The following TEX9 variants were observed in gnomAD, a reference collection of about 807,000 sequenced individuals.
The protein encoded by TEX9 is testis expressed 9.
Under a neutral mutation model 59.6 loss-of-function variants are expected in TEX9, and 74 were observed. That is an observed-to-expected ratio of 1.24 (90% CI 1.03 to 1.51). The LOEUF (loss-of-function observed/expected upper bound fraction) is 1.51, where lower values mean the gene tolerates loss of function less well. TEX9 is among the 40% of genes most tolerant of loss of function. The probability of loss-of-function intolerance (pLI) is 0.00; values close to 1 mark genes in which losing one functional copy is unlikely to be tolerated. For synonymous variants in TEX9, 186 were observed against 152.2 expected (o/e 1.22, Z -1.64); for missense variants, 522 against 447.8 (o/e 1.17, Z -1.49).
chr15:56,358,827 GAT>G (rs1206425211), intron 1 of TEX9, among the ~76,000 whole-genome samples: 2 of 152,058 alleles, frequency 1.3e-5, no homozygotes, highest in African/African-American at 4.8e-5. Flanking sequence ...GATAGTGAGT[GAT>G]GTCTCATGAG....
At chr15:56,456,816 ACT>A in the TEX9 span, among the ~76,000 whole-genome samples, 1 of 151,388 alleles carries the variant, frequency 6.6e-6, no homozygotes, top group Non-Finnish European at 1.5e-5. Flanking sequence ...CTTCCATTTC[ACT>A]CTTTTTTCCC....
chr15:56,453,926 G>T, the TEX9 span, among the ~76,000 whole-genome samples: 1 of 151,918 alleles, frequency 6.6e-6, no homozygotes, highest in Admixed American at 6.6e-5. Context: ...TCTTAATATA[G>T]GTGATTTTAA....
At chr15:56,460,009 A>AAAAAAAAAAAAAAAAAAATATATAT in the TEX9 span, among the ~76,000 whole-genome samples, 2 of 26,406 alleles carry the variant, frequency 7.6e-5, no homozygotes, top group African/African-American at 3.0e-4. Flanking sequence ...AAAAAAAAAA[A>AAAAAAAAAAAAAAAAAAATATATAT]ATACATATAT....
chr15:56,419,010 G>T (rs1376652245), intron 10 of TEX9, among the ~76,000 whole-genome samples: 1 of 151,832 alleles, frequency 6.6e-6, no homozygotes, highest in Non-Finnish European at 1.5e-5. Flanking sequence ...CATCTTAATA[G>T]CGTCTTTAAA....
intron 1 of TEX9, among the ~76,000 whole-genome samples, chr15:56,309,068 A>G (rs1308767519): frequency 2.6e-5 from 4 of 152,194 alleles, no homozygotes; most frequent in African/African-American, 9.6e-5. Context: ...TAAGCTTATC[A>G]ATCTACATAA....
At chr15:56,258,075 G>T (rs2044183285) in intron 1 of TEX9, among the ~76,000 whole-genome samples, 1 of 152,026 alleles carries the variant, frequency 6.6e-6, no homozygotes, top group African/African-American at 2.4e-5. Flanking sequence ...TTTTTGTCAG[G>T]TTTGTCAAAG....
intron 1 of TEX9, among the ~76,000 whole-genome samples, chr15:56,337,325 A>T (rs1449728553): frequency 6.6e-6 from 1 of 152,158 alleles, no homozygotes; most frequent in African/African-American, 2.4e-5. Context: ...TAGTTACCAC[A>T]TCTGTCATAG....
At chr15:56,402,010 A>G (rs1442957073) in intron 9 of TEX9, among the ~76,000 whole-genome samples, 1 of 152,244 alleles carries the variant, frequency 6.6e-6, no homozygotes, top group Non-Finnish European at 1.5e-5. Context: ...ATAGCACTAA[A>G]TGCCCACAAG....
chr15:56,282,318 C>G (rs1173319760), intron 1 of TEX9, among the ~76,000 whole-genome samples: 1 of 152,138 alleles, frequency 6.6e-6, no homozygotes, highest in Non-Finnish European at 1.5e-5. Context: ...AATATATTCT[C>G]TGCAAGAATA....
intron 1 of TEX9, among the ~76,000 whole-genome samples, chr15:56,251,940 T>G (rs2044031313): frequency 6.6e-6 from 1 of 152,192 alleles, no homozygotes; most frequent in African/African-American, 2.4e-5. Context: ...CTCTAGCAAC[T>G]GAATTATCTT....
intron 1 of TEX9, among the ~76,000 whole-genome samples, chr15:56,277,614 C>G (rs1183130190): frequency 6.6e-6 from 1 of 152,212 alleles, no homozygotes; most frequent in Non-Finnish European, 1.5e-5. Flanking sequence ...TTGCCTCCAG[C>G]TTTGTTCTTC....
intron 1 of TEX9, among the ~76,000 whole-genome samples, chr15:56,344,607 G>C (rs1276664885): frequency 6.6e-6 from 1 of 151,980 alleles, no homozygotes; most frequent in East Asian, 1.9e-4. Flanking sequence ...GCAAAACTCT[G>C]TGAAAAACCA....
chr15:56,400,433 GAA>G (rs1410373569), intron 9 of TEX9, among the ~76,000 whole-genome samples: 1 of 152,090 alleles, frequency 6.6e-6, no homozygotes, highest in Admixed American at 6.5e-5. Flanking sequence ...CAAGTTTACA[GAA>G]AAAAGAGTAA....
chr15:56,414,542 CTCCA>C (rs1236473601), intron 10 of TEX9, among the ~76,000 whole-genome samples: 3 of 150,760 alleles, frequency 2.0e-5, no homozygotes, highest in African/African-American at 7.3e-5. Context: ...CTGCCTCTAG[CTCCA>C]TCCATGTTCC....
At chr15:56,460,009 A>AAAAATATATATATATATAT in the TEX9 span, among the ~76,000 whole-genome samples, 1 of 26,388 alleles carries the variant, frequency 3.8e-5, no homozygotes, top group Non-Finnish European at 7.0e-5. Context: ...AAAAAAAAAA[A>AAAAATATATATATATATAT]ATACATATAT....
chr15:56,444,630 T>G, intron 12 of TEX9: 1 of 1,613,170 alleles, frequency 6.2e-7, no homozygotes, highest in Non-Finnish European at 8.5e-7. Flanking sequence ...TATTATTCTC[T>G]TGTGTTCTTC....
At chr15:56,257,536 T>C (rs906626099) in intron 1 of TEX9, among the ~76,000 whole-genome samples, 2 of 152,202 alleles carry the variant, frequency 1.3e-5, no homozygotes, top group East Asian at 1.9e-4. Flanking sequence ...GCATCTCTTA[T>C]GATCAGTGAT....
intron 1 of TEX9, among the ~76,000 whole-genome samples, chr15:56,305,862 AATCT>A (rs1224948636): frequency 3.9e-5 from 6 of 152,202 alleles, no homozygotes; most frequent in African/African-American, 1.2e-4. Context: ...AAATATTCGC[AATCT>A]ATCTATCTGA....
At chr15:56,435,600 C>G (rs1425494677) in intron 12 of TEX9, among the ~76,000 whole-genome samples, 1 of 152,026 alleles carries the variant, frequency 6.6e-6, no homozygotes, top group Admixed American at 6.6e-5. Context: ...TTGAGAAACA[C>G]AAGCTACCAA....
Sources: allele counts gnomAD v4.1 joint callset (sites outside exome capture counted in the v4.1 genomes callset), GRCh38; gene constraint gnomAD v4.1.1; transcripts MANE v1.5; gene names NCBI Gene and HGNC (gene_info 2026-07-23, HGNC 2026-07-21).